Variants in FSAF1 observed in about 807,000 individuals in gnomAD.
The protein encoded by FSAF1 is 40S small subunit processome assembly factor 1.
chr1:231,225,396 C>G, the FSAF1 span: 5 of 1,413,218 alleles, frequency 3.5e-6, no homozygotes, highest in South Asian at 5.8e-5. Context: ...CACATACATT[C>G]AAGGCGTCCT....
At chr1:231,233,818 C>T in the FSAF1 span, among the ~76,000 whole-genome samples, 4 of 152,112 alleles carry the variant, frequency 2.6e-5, no homozygotes, top group South Asian at 6.2e-4. Flanking sequence ...CCCACAGTGC[C>T]GGGATTAAAG....
the FSAF1 span, chr1:231,239,227 A>G: frequency 6.7e-7 from 1 of 1,484,150 alleles, no homozygotes; most frequent in South Asian, 1.4e-5. Context: ...AAATATTTTC[A>G]GTCTTAGCTA....
the FSAF1 span, among the ~76,000 whole-genome samples, chr1:231,230,590 TAC>T: frequency 1.3e-5 from 2 of 152,188 alleles, no homozygotes; most frequent in Non-Finnish European, 2.9e-5. Flanking sequence ...ACCCTGCAAC[TAC>T]ACAGTCCATG....
the FSAF1 span, among the ~76,000 whole-genome samples, chr1:231,228,825 A>G: frequency 0.047 from 7,106 of 152,080 alleles, 240 homozygotes; most frequent in Middle Eastern, 0.085. Flanking sequence ...CATCTCTACT[A>G]AAAATACAAA....
chr1:231,241,153 G>A, the FSAF1 span: 1 of 1,602,694 alleles, frequency 6.2e-7, no homozygotes, highest in Non-Finnish European at 8.5e-7. Context: ...CTGCCGCGCT[G>A]CACCCCCGCT....
At chr1:231,226,908 A>G in the FSAF1 span, 4 of 1,604,444 alleles carry the variant, frequency 2.5e-6, no homozygotes, top group Non-Finnish European at 8.5e-7. Context: ...ACTTGCTCTT[A>G]GCTTTCCTTG....
chr1:231,234,195 A>T, the FSAF1 span, among the ~76,000 whole-genome samples: 1 of 152,192 alleles, frequency 6.6e-6, no homozygotes, highest in Admixed American at 6.5e-5. This position sits in a 1 kb window ranked among gnomAD's most constrained non-coding sequence, Gnocchi z 4.0. Context: ...CTCAGGATGC[A>T]AAGGTCCCTT....
At chr1:231,227,590 T>TTG in the FSAF1 span, among the ~76,000 whole-genome samples, 6 of 141,946 alleles carry the variant, frequency 4.2e-5, no homozygotes, top group South Asian at 4.8e-4. Context: ...CCACGGTTTT[T>TTG]TTTTTTTTTT....
chr1:231,237,680 T>C, the FSAF1 span: 2 of 152,252 alleles, frequency 1.3e-5, no homozygotes, highest in African/African-American at 2.4e-5. Flanking sequence ...TTTGGACTTC[T>C]GGACTACGGA....
the FSAF1 span, among the ~76,000 whole-genome samples, chr1:231,227,585 GTTTTT>G: frequency 9.8e-6 from 1 of 102,120 alleles, no homozygotes; most frequent in Admixed American, 1.2e-4. Flanking sequence ...CTCGCCCACG[GTTTTT>G]TTTTTTTTTT....
chr1:231,224,245 T>G, the FSAF1 span: 1 of 1,594,386 alleles, frequency 6.3e-7, no homozygotes, highest in East Asian at 2.2e-5. Context: ...GTTGACTCAG[T>G]TGTTCCCATC....
At chr1:231,239,754 C>T in the FSAF1 span, among the ~76,000 whole-genome samples, 11 of 152,204 alleles carry the variant, frequency 7.2e-5, no homozygotes, top group African/African-American at 2.7e-4. Flanking sequence ...ACAAATACCA[C>T]AGAGCTCTCT....
At chr1:231,228,324 C>T in the FSAF1 span, among the ~76,000 whole-genome samples, 2 of 152,098 alleles carry the variant, frequency 1.3e-5, no homozygotes, top group East Asian at 1.9e-4. Flanking sequence ...GCAGACCAGG[C>T]GTGGTGGCTC....
the FSAF1 span, among the ~76,000 whole-genome samples, chr1:231,229,732 G>C: frequency 6.6e-6 from 1 of 152,178 alleles, no homozygotes; most frequent in African/African-American, 2.4e-5. Flanking sequence ...AGTGAAATAA[G>C]CCAGTCACAG....
At chr1:231,227,871 G>A in the FSAF1 span, among the ~76,000 whole-genome samples, 1 of 152,192 alleles carries the variant, frequency 6.6e-6, no homozygotes, top group South Asian at 2.1e-4. Flanking sequence ...TTACAGGCAT[G>A]AGCCACCGCG....
At chr1:231,234,220 A>G in the FSAF1 span, among the ~76,000 whole-genome samples, 4 of 152,284 alleles carry the variant, frequency 2.6e-5, no homozygotes, top group African/African-American at 7.2e-5. This position sits in a 1 kb window ranked among gnomAD's most constrained non-coding sequence, Gnocchi z 4.0. Flanking sequence ...TCTACAGAAC[A>G]CTATTCTATT....
the FSAF1 span, among the ~76,000 whole-genome samples, chr1:231,232,976 A>C: frequency 6.6e-6 from 1 of 152,192 alleles, no homozygotes; most frequent in African/African-American, 2.4e-5. Context: ...ATGAGCCTAA[A>C]TTACTTCAGC....
the FSAF1 span, among the ~76,000 whole-genome samples, chr1:231,234,316 TG>T: frequency 1.3e-5 from 2 of 152,202 alleles, no homozygotes; most frequent in Non-Finnish European, 2.9e-5. The surrounding 1 kb of genome is among the most constrained non-coding windows in gnomAD (Gnocchi z 4.0). Context: ...CACGTTAAGA[TG>T]GCCCAATGCT....
the FSAF1 span, chr1:231,238,710 G>T: frequency 1.4e-6 from 1 of 690,464 alleles, no homozygotes; most frequent in Non-Finnish European, 2.4e-6. Flanking sequence ...AGGGCTATAT[G>T]CTGAGTCTTG....
Sources: allele counts gnomAD v4.1 joint callset (sites outside exome capture counted in the v4.1 genomes callset), GRCh38; gene constraint gnomAD v4.1.1; non-coding constraint Gnocchi (gnomAD v3.1); transcripts MANE v1.5; gene names NCBI Gene and HGNC (gene_info 2026-07-23, HGNC 2026-07-21).